Variants in TXK observed in about 807,000 individuals in gnomAD.
TXK encodes TXK tyrosine kinase.
In TXK, 60 loss-of-function variants were observed where a neutral mutation model predicts 81.0. That is an observed-to-expected ratio of 0.74 (90% CI 0.60 to 0.92). TXK has a LOEUF of 0.92. Ranked by LOEUF, TXK falls within the 40% of genes least tolerant of loss-of-function variation. The pLI is 0.00. For synonymous variants in TXK, 203 were observed against 210.7 expected (o/e 0.96, Z 0.32); for missense variants, 581 against 638.3 (o/e 0.91, Z 0.97).
At chr4:48,100,603 T>C (rs1718156422) in intron 6 of TXK, among the ~76,000 whole-genome samples, 1 of 152,212 alleles carries the variant, frequency 6.6e-6, no homozygotes, top group African/African-American at 2.4e-5. Flanking sequence ...GGCATATAAA[T>C]TGATACAACT....
intron 12 of TXK, among the ~76,000 whole-genome samples, chr4:48,075,675 A>C (rs1717042386): frequency 6.6e-6 from 1 of 152,070 alleles, no homozygotes. Flanking sequence ...GTTCTGAATG[A>C]ATCTTGCAGA....
chr4:48,079,511 C>T (rs1170481263), intron 11 of TXK, among the ~76,000 whole-genome samples: 1 of 152,126 alleles, frequency 6.6e-6, no homozygotes, highest in African/African-American at 2.4e-5. Flanking sequence ...TCCTACCTAA[C>T]CAATCAGCTC....
At chr4:48,117,654 T>C in intron 1 of TXK, among the ~76,000 whole-genome samples, 1 of 152,222 alleles carries the variant, frequency 6.6e-6, no homozygotes, top group East Asian at 1.9e-4. Flanking sequence ...CTCTAGTGCA[T>C]TATTAGATGA....
At chr4:48,111,997 A>G (rs1718646443) in intron 4 of TXK, among the ~76,000 whole-genome samples, 1 of 152,266 alleles carries the variant, frequency 6.6e-6, no homozygotes, top group South Asian at 2.1e-4. Context: ...GAAAGCACAA[A>G]TTAGAATAAG....
intron 1 of TXK, among the ~76,000 whole-genome samples, chr4:48,132,505 G>T (rs1378744292): frequency 1.3e-5 from 2 of 152,190 alleles, no homozygotes; most frequent in Non-Finnish European, 2.9e-5. Context: ...GTGGATCACA[G>T]TTGGCAGCTT....
At chr4:48,087,286 T>C in intron 9 of TXK, among the ~76,000 whole-genome samples, 1 of 152,054 alleles carries the variant, frequency 6.6e-6, no homozygotes, top group East Asian at 1.9e-4. Context: ...AACTTAATGG[T>C]TTAGTGTCTC....
chr4:48,107,791 G>A (rs923814659), intron 5 of TXK, among the ~76,000 whole-genome samples: 4 of 151,824 alleles, frequency 2.6e-5, no homozygotes, highest in Non-Finnish European at 4.4e-5. Context: ...GGCCGGGCGC[G>A]GTGGCTCACG....
intron 1 of TXK, among the ~76,000 whole-genome samples, chr4:48,117,640 A>G (rs1718847649): frequency 6.6e-6 from 1 of 152,226 alleles, no homozygotes; most frequent in East Asian, 1.9e-4. Context: ...AGTAAACAAC[A>G]ATACTCTAGT....
At chr4:48,091,591 C>T (rs1473821118) in intron 8 of TXK, among the ~76,000 whole-genome samples, 2 of 151,906 alleles carry the variant, frequency 1.3e-5, no homozygotes, top group Admixed American at 6.6e-5. Flanking sequence ...CTGCAACCTC[C>T]GCCTCTCAGG....
In TXK at chr4:48,131,681, G is replaced by A. The variant is rs189132307; in HGVS notation, c.16+2474C>T. Among the ~76,000 whole-genome samples, 6 of 152,250 alleles carry A rather than the reference G, an allele frequency of 3.9e-5. No homozygotes were observed. In the East Asian group the frequency reaches 1.2e-3, roughly 29 times the overall value. ...GAGAGAATAATCCTCAAAATATCCC[G>A]CCAATAGGTAGTCCCTTATTTAATC... On this transcript the variant is annotated intron_variant, in intron 1 of 14. Coordinates refer to ENST00000264316, the MANE Select transcript of TXK (RefSeq NM_003328.3).
intron 1 of TXK, among the ~76,000 whole-genome samples, chr4:48,115,604 T>C (rs1718782202): frequency 6.6e-6 from 1 of 152,094 alleles, no homozygotes; most frequent in Non-Finnish European, 1.5e-5. Flanking sequence ...CCCAGCACCT[T>C]GGGAGGCCGA....
chr4:48,100,171 CAAA>C lies in TXK; in HGVS notation c.501+4727_501+4729del, dbSNP rs11341305. Among the ~76,000 whole-genome samples, 174 of 53,908 alleles carry C rather than the reference CAAA, an allele frequency of 3.2e-3. No individual in the cohort carries two copies. In the Middle Eastern group the frequency reaches 0.043, roughly 13 times the overall value. 35.4% of individuals were successfully genotyped at this position (53,908 alleles called of 152,430 possible). A position where few individuals can be genotyped will look rare whatever the true frequency, so the allele number is the denominator to read the frequency against. On this transcript the variant is annotated intron_variant, in intron 6 of 14. Transcript: ENST00000264316. ...TGGGCGACAGAAAGAGACTCCATCT[CAAA>C]AAAAAAAAAAAAAAAAAAAAATGCA...
At chr4:48,097,212 C>A (rs966568534) in intron 6 of TXK, among the ~76,000 whole-genome samples, 3 of 151,826 alleles carry the variant, frequency 2.0e-5, no homozygotes, top group African/African-American at 4.8e-5. Flanking sequence ...GAAAATCAAT[C>A]AAAAATAATA....
chr4:48,076,399 T>C lies in TXK; in HGVS notation c.1238+3A>G, dbSNP rs776169825. 6.2e-7 allele frequency: 1 copy of C among 1,601,800 alleles called. No homozygotes were observed. Among genetic ancestry groups the C allele is most frequent in the South Asian group, 1.1e-5 (1 of 90,244 alleles). On this transcript the variant is annotated splice_donor_region_variant and intron_variant, in intron 12 of 14. Transcript: ENST00000264316. ...AATACATATATATATACATAGCATG[T>C]ACCTTGTCATTCCAAAGTCTGAAAT...
intron 1 of TXK, among the ~76,000 whole-genome samples, chr4:48,132,764 G>A (rs1054185579): frequency 2.6e-5 from 4 of 152,016 alleles, no homozygotes; most frequent in African/African-American, 9.7e-5. Flanking sequence ...TGGCCAACAT[G>A]GTGAAACCCT....
Position 48,109,580 on chromosome 4 carries a change from G to A in TXK, c.446+958C>T, listed in dbSNP as rs552803522. 3.9e-5 allele frequency among the ~76,000 whole-genome samples: 6 copies of A among 152,282 alleles called. 1 individual carries two copies. Among genetic ancestry groups the A allele is most frequent in the African/African-American group, 1.4e-4 (6 of 41,540 alleles). On this transcript the variant is annotated intron_variant, in intron 5 of 14. Coordinates refer to ENST00000264316, the MANE Select transcript of TXK (RefSeq NM_003328.3). ...GATGGAGCTGAGGAGAGTGACTGGA[G>A]AGAGAACAGAAATAGCTACTGGAGA...
At chr4:48,086,093 C>T (rs1177424659) in intron 10 of TXK, among the ~76,000 whole-genome samples, 1 of 152,216 alleles carries the variant, frequency 6.6e-6, no homozygotes, top group East Asian at 1.9e-4. Flanking sequence ...GGCTCACCTG[C>T]ATGCTCCTCC....
At chr4:48,094,056 A>G (rs1371773944) in intron 8 of TXK, 21 bp downstream of exon 8, 2 of 1,612,826 alleles carry the variant, frequency 1.2e-6, no homozygotes, top group Admixed American at 1.7e-5. Flanking sequence ...TGACTCACCC[A>G]GCTGGAAGTT....
In TXK at chr4:48,089,787, C is replaced by A; in HGVS notation, c.747G>T (p.Met249Ile). 1 of 1,613,632 alleles carries A rather than the reference C, an allele frequency of 6.2e-7. No homozygotes were observed. The highest frequency in any genetic ancestry group is 8.5e-7 in the Non-Finnish European group (1 of 1,179,722). ...CAGCTGTGGCTGGTAAACAACTGCC[C>A]ATCAGCCCAACTGGATATCGGAGAC... ...MTRLRYPVGL[M>I]GSCLPATAGF... Residue 249 changes from methionine to isoleucine, a missense_variant, in exon 9 of 15, where the codon ATG (methionine) becomes ATT (isoleucine). Physicochemically the swap from Met to Ile is conservative, Grantham distance 10. Transcript: ENST00000264316.
Sources: allele counts gnomAD v4.1 joint callset (sites outside exome capture counted in the v4.1 genomes callset), GRCh38; gene constraint gnomAD v4.1.1; transcripts MANE v1.5; gene names NCBI Gene and HGNC (gene_info 2026-07-23, HGNC 2026-07-21).